TNR: variants seen among roughly 807,000 people sequenced by gnomAD.
TNR encodes tenascin-R.
A neutral mutation model predicts 150.4 loss-of-function variants in TNR; 45 were observed. The ratio of observed to expected loss-of-function variants is 0.30; its 90% confidence interval spans 0.24 to 0.38. The LOEUF (loss-of-function observed/expected upper bound fraction) is 0.38, where lower values mean the gene tolerates loss of function less well. Among genes scored for constraint, TNR ranks in the 10% least tolerant of loss-of-function variants. The probability of loss-of-function intolerance (pLI) is 1.00; values close to 1 mark genes in which losing one functional copy is unlikely to be tolerated. For missense variants in TNR, 1,544 were observed against 1,759.1 expected, an observed-to-expected ratio of 0.88 and a Z score of 2.19; for synonymous variants, 687 against 678.4, an observed-to-expected ratio of 1.01 and a Z score of -0.20.
chr1:175,679,256 C>G (rs1665958691), intron 1 of TNR, among the ~76,000 whole-genome samples: 1 of 152,226 alleles, frequency 6.6e-6, no homozygotes, highest in Non-Finnish European at 1.5e-5. Flanking sequence ...CTCTCTGAAG[C>G]TTGCTAGACT....
At chr1:175,725,794 G>A (rs990595125) in intron 1 of TNR, among the ~76,000 whole-genome samples, 3 of 152,304 alleles carry the variant, frequency 2.0e-5, no homozygotes, top group Non-Finnish European at 1.5e-5. Flanking sequence ...TGTGTTACAT[G>A]TCTCCCCTCA....
intron 1 of TNR, among the ~76,000 whole-genome samples, chr1:175,728,206 G>C (rs1667532850): frequency 6.6e-6 from 1 of 152,198 alleles, no homozygotes; most frequent in Non-Finnish European, 1.5e-5. Flanking sequence ...TGAGGCCAGG[G>C]TGAGGCTATG....
At chr1:175,741,434 AT>A (rs1288388568) in intron 1 of TNR, among the ~76,000 whole-genome samples, 1 of 152,156 alleles carries the variant, frequency 6.6e-6, no homozygotes, top group Non-Finnish European at 1.5e-5. Flanking sequence ...CAAGGGCATA[AT>A]TTTTTAAAAA....
chr1:175,548,994 C>T (rs781011252), intron 1 of TNR, among the ~76,000 whole-genome samples: 7 of 152,232 alleles, frequency 4.6e-5, no homozygotes, highest in Non-Finnish European at 1.0e-4. Flanking sequence ...GGAGCTGTCT[C>T]TCATTGGTAA....
intron 1 of TNR, among the ~76,000 whole-genome samples, chr1:175,729,236 T>C (rs1444074888): frequency 6.6e-6 from 1 of 152,202 alleles, no homozygotes. Context: ...CCCATTTGAA[T>C]TGCTGACACG....
chr1:175,586,330 A>AC (rs1300798837), intron 1 of TNR, among the ~76,000 whole-genome samples: 1 of 151,372 alleles, frequency 6.6e-6, no homozygotes, highest in Non-Finnish European at 1.5e-5. Flanking sequence ...TGTTACTTCT[A>AC]CCCCCTTCTC....
intron 9 of TNR, among the ~76,000 whole-genome samples, chr1:175,376,176 C>T (rs1023804609): frequency 6.6e-6 from 1 of 152,072 alleles, no homozygotes; most frequent in Non-Finnish European, 1.5e-5. Context: ...CTGCACCACG[C>T]TGTGAGAGGC....
intron 1 of TNR, among the ~76,000 whole-genome samples, chr1:175,728,041 CA>C (rs1418344738): frequency 6.6e-6 from 1 of 152,192 alleles, no homozygotes; most frequent in Non-Finnish European, 1.5e-5. Flanking sequence ...TTTTCTCTGG[CA>C]ATGTATAGTT....
At chr1:175,669,522 T>C (rs929504245) in intron 1 of TNR, among the ~76,000 whole-genome samples, 1 of 152,228 alleles carries the variant, frequency 6.6e-6, no homozygotes, top group Non-Finnish European at 1.5e-5. Context: ...AATCATATTT[T>C]AGTAAATCTT....
At chr1:175,560,463 C>T (rs1661379030) in intron 1 of TNR, among the ~76,000 whole-genome samples, 2 of 152,232 alleles carry the variant, frequency 1.3e-5, no homozygotes, top group African/African-American at 4.8e-5. Context: ...AATACCAAGG[C>T]AAACTTTGTC....
At chr1:175,431,389 G>T (rs1267444434) in intron 2 of TNR, among the ~76,000 whole-genome samples, 1 of 152,124 alleles carries the variant, frequency 6.6e-6, no homozygotes, top group Non-Finnish European at 1.5e-5. Flanking sequence ...CACTGTCCTT[G>T]GTGGTGATAA....
intron 1 of TNR, among the ~76,000 whole-genome samples, chr1:175,589,071 A>T (rs1662689760): frequency 6.6e-6 from 1 of 152,122 alleles, no homozygotes; most frequent in African/African-American, 2.4e-5. Context: ...TCTCTTAGTC[A>T]GTGTCCACAG....
chr1:175,594,817 A>T (rs2101841174), intron 1 of TNR, among the ~76,000 whole-genome samples: 1 of 149,342 alleles, frequency 6.7e-6, no homozygotes, highest in South Asian at 2.1e-4. Flanking sequence ...GATTGCAACC[A>T]TTGCACTCCA....
At chr1:175,454,858 C>T (rs905785823) in intron 2 of TNR, among the ~76,000 whole-genome samples, 3 of 152,182 alleles carry the variant, frequency 2.0e-5, no homozygotes, top group Non-Finnish European at 4.4e-5. Flanking sequence ...GGTGGGAACA[C>T]GGGCAGCTTT....
Position 175,363,878 on chromosome 1 carries a change from A to C in TNR, c.2588-51T>G, listed in dbSNP as rs1253016750. 9.6e-6 allele frequency: 15 copies of C among 1,569,448 alleles called. No individual in the cohort carries two copies. In the African/African-American group the frequency reaches 1.8e-4, roughly 19 times the overall value. On this transcript the variant is annotated intron_variant, in intron 12 of 22. Transcript: ENST00000367674. ...AAAAGACAGAAAGCACAGTGTGAAAAAGAAATTCTCATCCCTGGTTTTATG... is the reference window on the plus strand; with the variant it reads ...AAAAGACAGAAAGCACAGTGTGAAACAGAAATTCTCATCCCTGGTTTTATG...
chr1:175,709,383 C>G (rs1051452856), intron 1 of TNR, among the ~76,000 whole-genome samples: 1 of 151,812 alleles, frequency 6.6e-6, no homozygotes, highest in Non-Finnish European at 1.5e-5. Flanking sequence ...ATTCAAAATG[C>G]TGTCTAGGGC....
chr1:175,649,983 C>T (rs553899136), intron 1 of TNR, among the ~76,000 whole-genome samples: 3 of 152,050 alleles, frequency 2.0e-5, no homozygotes, highest in South Asian at 2.1e-4. Flanking sequence ...TGTGTTAAAA[C>T]GACAAAAGAT....
chr1:175,458,580 T>C (rs1335932295), intron 2 of TNR, among the ~76,000 whole-genome samples: 2 of 152,082 alleles, frequency 1.3e-5, no homozygotes, highest in Admixed American at 6.6e-5. Flanking sequence ...ATTTGGCCTT[T>C]AGAAGAGAGG....
At chr1:175,342,928 G>A (rs1201036319) in intron 18 of TNR, among the ~76,000 whole-genome samples, 1 of 144,278 alleles carries the variant, frequency 6.9e-6, no homozygotes, top group African/African-American at 2.6e-5. Context: ...CAATTTCATG[G>A]CAGATTAGAT....
Sources: allele counts gnomAD v4.1 joint callset (sites outside exome capture counted in the v4.1 genomes callset), GRCh38; gene constraint gnomAD v4.1.1; transcripts MANE v1.5; gene names NCBI Gene and HGNC (gene_info 2026-07-23, HGNC 2026-07-21).